The following FARS2 variants were observed in gnomAD, a reference collection of about 807,000 sequenced individuals.
FARS2 encodes phenylalanine--tRNA ligase, mitochondrial.
In FARS2, 40 loss-of-function variants were observed where a neutral mutation model predicts 46.4. The observed-to-expected ratio is 0.86, with a 90% CI of 0.67 to 1.12. The LOEUF (loss-of-function observed/expected upper bound fraction) is 1.12, where lower values mean the gene tolerates loss of function less well. Among genes scored for constraint, FARS2 ranks in the 50% most tolerant of loss-of-function variants. The pLI is 0.00. For synonymous variants in FARS2, 234 were observed against 214.9 expected (o/e 1.09, Z -0.78); for missense variants, 513 against 567.9 (o/e 0.90, Z 0.98).
rs181102672 is a variant in FARS2, at chr6:5,678,372, G to A, written c.1217+65052G>A. 2.9e-3 allele frequency among the ~76,000 whole-genome samples: 442 copies of A among 152,256 alleles called. 5 individuals are homozygous for A. The highest frequency in any genetic ancestry group is 0.01 in the African/African-American group (425 of 41,550). On this transcript the variant is annotated intron_variant, in intron 6 of 6. Coordinates refer to ENST00000274680, the MANE Select transcript of FARS2 (RefSeq NM_006567.5). ...ACTTGGGAGGAAAGGTGGATGGGAG[G>A]GAGATAGGAAATCTGAGCTGGTGCC...
chr6:5,578,691 C>T (rs183961728), intron 5 of FARS2, among the ~76,000 whole-genome samples: 191 of 151,682 alleles, frequency 1.3e-3, no homozygotes, highest in Non-Finnish European at 1.9e-3. Context: ...CGCCTATAGT[C>T]CCAGCTACTT....
chr6:5,403,703 T>C (rs1761393991), intron 2 of FARS2, among the ~76,000 whole-genome samples: 1 of 152,178 alleles, frequency 6.6e-6, no homozygotes, highest in African/African-American at 2.4e-5. Flanking sequence ...CTCATTCTTT[T>C]ATTAAAACAT....
the FARS2 span, among the ~76,000 whole-genome samples, chr6:5,252,208 G>A: frequency 1.3e-5 from 2 of 152,092 alleles, no homozygotes; most frequent in African/African-American, 4.8e-5. Flanking sequence ...GATTTTGCAG[G>A]CTTATTCACA....
intron 2 of FARS2, among the ~76,000 whole-genome samples, chr6:5,378,756 G>A (rs866912870): frequency 2.0e-5 from 3 of 152,208 alleles, no homozygotes; most frequent in Admixed American, 6.5e-5. Context: ...CATTGTCCCT[G>A]TCAAAGACAC....
intron 3 of FARS2, among the ~76,000 whole-genome samples, chr6:5,424,958 C>T (rs1762766343): frequency 6.6e-6 from 1 of 152,060 alleles, no homozygotes; most frequent in South Asian, 2.1e-4. Context: ...GAGGATGATC[C>T]CAGCTCTTTA....
At chr6:5,693,989 A>G (rs1445776906) in intron 6 of FARS2, among the ~76,000 whole-genome samples, 1 of 152,044 alleles carries the variant, frequency 6.6e-6, no homozygotes, top group African/African-American at 2.4e-5. Context: ...AAGCCCACCC[A>G]TTTTCAAGGC....
intron 6 of FARS2, among the ~76,000 whole-genome samples, chr6:5,746,638 C>G (rs1740143871): frequency 7.5e-6 from 1 of 132,818 alleles, no homozygotes; most frequent in Admixed American, 9.6e-5. Flanking sequence ...CAGGAGAAAG[C>G]AGGGTGGAGA....
chr6:5,461,526 T>C (rs1436513949), intron 4 of FARS2, among the ~76,000 whole-genome samples: 1 of 152,170 alleles, frequency 6.6e-6, no homozygotes, highest in African/African-American at 2.4e-5. Flanking sequence ...GTGCAGCCAG[T>C]CCTGACTCTC....
intron 6 of FARS2, among the ~76,000 whole-genome samples, chr6:5,650,693 G>A (rs1198153023): frequency 6.6e-6 from 1 of 152,126 alleles, no homozygotes; most frequent in Non-Finnish European, 1.5e-5. Context: ...TAGCCAGGAT[G>A]GTCTCGATCT....
chr6:5,421,105 A>G (rs1762523383), intron 3 of FARS2, among the ~76,000 whole-genome samples: 2 of 152,168 alleles, frequency 1.3e-5, no homozygotes, highest in South Asian at 4.2e-4. Context: ...AGGCATTTCC[A>G]TGCATCTTGT....
At chr6:5,308,591 C>T (rs1768883431) in intron 1 of FARS2, among the ~76,000 whole-genome samples, 1 of 152,176 alleles carries the variant, frequency 6.6e-6, no homozygotes, top group African/African-American at 2.4e-5. Flanking sequence ...CAAATTGCTA[C>T]AAAAGTTTCT....
Position 5,343,437 on chromosome 6 carries a change from C to G in FARS2, c.-21-25113C>G, listed in dbSNP as rs1757015852. On this transcript the variant is annotated intron_variant, in intron 1 of 6. Coordinates refer to ENST00000274680, the MANE Select transcript of FARS2 (RefSeq NM_006567.5). The surrounding 1 kb of genome is among the most constrained non-coding windows in gnomAD (Gnocchi z 4.5). Reference sequence around the variant, plus strand: ...ATATTGGTCAGGCTGGTCTGGAACTCCTGACCTCAGGTGATCCACCCGCCT... The same window carrying G: ...ATATTGGTCAGGCTGGTCTGGAACTGCTGACCTCAGGTGATCCACCCGCCT... Among the ~76,000 whole-genome samples, 2 of 152,106 alleles carry G rather than the reference C, an allele frequency of 1.3e-5. No individual in the cohort carries two copies. The highest frequency in any genetic ancestry group is 1.3e-4 in the Admixed American group (2 of 15,280).
At chr6:5,675,853 T>C (rs954648819) in intron 6 of FARS2, among the ~76,000 whole-genome samples, 2 of 152,196 alleles carry the variant, frequency 1.3e-5, no homozygotes, top group African/African-American at 4.8e-5. Flanking sequence ...AATTTCACTG[T>C]CTTTTGCATA....
chr6:5,693,795 G>A (rs1424103739), intron 6 of FARS2, among the ~76,000 whole-genome samples: 1 of 152,154 alleles, frequency 6.6e-6, no homozygotes, highest in African/African-American at 2.4e-5. Context: ...GTGATGGCTG[G>A]AGAACATTTC....
At chr6:5,757,458 A>C (rs1421670590) in intron 6 of FARS2, among the ~76,000 whole-genome samples, 1 of 152,130 alleles carries the variant, frequency 6.6e-6, no homozygotes, top group Non-Finnish European at 1.5e-5. Flanking sequence ...ACCTCCAAAA[A>C]AAAACTGTGC....
At chr6:5,517,348 T>G (rs1275015653) in intron 4 of FARS2, among the ~76,000 whole-genome samples, 1 of 152,046 alleles carries the variant, frequency 6.6e-6, no homozygotes, top group African/African-American at 2.4e-5. Context: ...TGGTGGCTCA[T>G]TGCCTGTAAT....
chr6:5,689,848 G>T lies in FARS2; in HGVS notation c.1217+76528G>T, dbSNP rs539124122. Among the ~76,000 whole-genome samples the T allele has an allele frequency of 5.5e-3, 842 of 152,230 alleles. 6 individuals carry two copies. Among genetic ancestry groups the T allele is most frequent in the African/African-American group, 0.019 (788 of 41,526 alleles). Reference sequence around the variant, plus strand: ...TGTGGGAGTCTAAGTCTCTTTGTAGGTCTCTAAGGACTTGCTTTATGAATC... The same window carrying T: ...TGTGGGAGTCTAAGTCTCTTTGTAGTTCTCTAAGGACTTGCTTTATGAATC... On this transcript the variant is annotated intron_variant, in intron 6 of 6. Coordinates refer to ENST00000274680, the MANE Select transcript of FARS2 (RefSeq NM_006567.5).
chr6:5,545,431 T>C (rs1177438720), intron 5 of FARS2, 91 bp downstream of exon 5: 1 of 892,070 alleles, frequency 1.1e-6, no homozygotes, highest in Non-Finnish European at 1.6e-6. Context: ...CTGAATTTTA[T>C]TTTATTTATT....
chr6:5,385,835 T>TGCCAA (rs1309614126), intron 2 of FARS2, among the ~76,000 whole-genome samples: 5 of 152,146 alleles, frequency 3.3e-5, no homozygotes, highest in Non-Finnish European at 7.4e-5. Flanking sequence ...TATGTGAGGC[T>TGCCAA]GTATTCATCA....
Sources: gnomAD v4.1 joint callset for allele counts (sites outside exome capture counted in the v4.1 genomes callset) on GRCh38, gnomAD v4.1.1 for gene constraint, Gnocchi (gnomAD v3.1) non-coding constraint, MANE v1.5 for transcripts, NCBI Gene and HGNC (gene_info 2026-07-23, HGNC 2026-07-21) for gene names.